Variants in FER observed in about 807,000 individuals in gnomAD.
The protein encoded by FER is tyrosine-protein kinase Fer.
In FER, 63 loss-of-function variants were observed where a neutral mutation model predicts 111.0. The ratio of observed to expected loss-of-function variants is 0.57; its 90% CI spans 0.46 to 0.70. FER has a LOEUF of 0.70. Among genes scored for constraint, FER ranks in the 30% least tolerant of loss-of-function variants. The probability of loss-of-function intolerance (pLI) is 0.00; values close to 1 mark genes in which losing one functional copy is unlikely to be tolerated. For synonymous variants in FER, 327 were observed against 313.9 expected, an observed-to-expected ratio of 1.04 and a Z score of -0.44; for missense variants, 914 against 954.0, an observed-to-expected ratio of 0.96 and a Z score of 0.55.
At chr5:108,784,871 T>C (rs1411714626) in intron 2 of FER, 1 of 156,386 alleles carries the variant, frequency 6.4e-6, no homozygotes. Flanking sequence ...CAGGTGTTTC[T>C]TGCCCTCATT....
At chr5:109,095,862 C>T (rs1162000243) in intron 16 of FER, among the ~76,000 whole-genome samples, 5 of 151,966 alleles carry the variant, frequency 3.3e-5, no homozygotes, top group South Asian at 2.1e-4. Flanking sequence ...TGTAGCTAAA[C>T]CAAACTTCTC....
intron 13 of FER, among the ~76,000 whole-genome samples, chr5:108,993,656 G>T (rs115176121): frequency 2.5e-5 from 3 of 119,886 alleles, no homozygotes; most frequent in Admixed American, 1.7e-4. Context: ...CGAGGGCGAG[G>T]GCGAGGGTGA....
At chr5:108,916,554 A>T (rs1469467289) in intron 10 of FER, among the ~76,000 whole-genome samples, 1 of 152,144 alleles carries the variant, frequency 6.6e-6, no homozygotes, top group African/African-American at 2.4e-5. Flanking sequence ...TACTTCAATT[A>T]TCTATTAATT....
intron 13 of FER, among the ~76,000 whole-genome samples, chr5:108,998,009 C>T (rs772459105): frequency 1.3e-5 from 2 of 151,784 alleles, no homozygotes; most frequent in Non-Finnish European, 2.9e-5. Context: ...CATCCCAGGT[C>T]GACCTCAACT....
intron 17 of FER, among the ~76,000 whole-genome samples, chr5:109,162,517 A>T (rs1001468497): frequency 2.6e-5 from 4 of 152,188 alleles, no homozygotes; most frequent in Non-Finnish European, 5.9e-5. Flanking sequence ...TTCTCTCACA[A>T]ATACGGTCCA....
intron 8 of FER, among the ~76,000 whole-genome samples, chr5:108,881,826 A>G (rs1332051763): frequency 6.6e-6 from 1 of 152,010 alleles, no homozygotes; most frequent in Non-Finnish European, 1.5e-5. Flanking sequence ...GACTTCATCT[A>G]ATTCTAATTA....
intron 2 of FER, chr5:108,784,160 A>G (rs1754405612): frequency 6.5e-6 from 1 of 154,494 alleles, no homozygotes; most frequent in African/African-American, 2.4e-5. Context: ...AAACCAGACC[A>G]CTGCTACTCC....
At chr5:109,077,274 A>C (rs1168355176) in intron 16 of FER, among the ~76,000 whole-genome samples, 1 of 152,220 alleles carries the variant, frequency 6.6e-6, no homozygotes, top group Non-Finnish European at 1.5e-5. Context: ...GTACATGAGC[A>C]ACCGTAATGA....
At chr5:108,860,419 T>G (rs1763406009) in intron 5 of FER, among the ~76,000 whole-genome samples, 1 of 152,362 alleles carries the variant, frequency 6.6e-6, no homozygotes, top group East Asian at 1.9e-4. Context: ...TTAATTCCTA[T>G]GTTTAAAAAT....
chr5:109,135,797 T>G (rs970623168), intron 17 of FER, among the ~76,000 whole-genome samples: 1 of 152,206 alleles, frequency 6.6e-6, no homozygotes, highest in East Asian at 1.9e-4. Flanking sequence ...TGGCTGACAC[T>G]TCTCTGTTTC....
chr5:108,894,952 G>A (rs765749471), intron 9 of FER, among the ~76,000 whole-genome samples: 29 of 152,264 alleles, frequency 1.9e-4, no homozygotes, highest in Non-Finnish European at 3.4e-4. Flanking sequence ...AGATTTGGGT[G>A]AGGACACAGC....
At chr5:108,940,904 A>C (rs1756167657) in intron 10 of FER, among the ~76,000 whole-genome samples, 1 of 152,116 alleles carries the variant, frequency 6.6e-6, no homozygotes, top group Non-Finnish European at 1.5e-5. Flanking sequence ...GCCCCTTCCC[A>C]AACTGATTCT....
chr5:109,100,271 G>A (rs932775778), intron 16 of FER, 125 bp from the exon 17 acceptor site: 2 of 1,135,388 alleles, frequency 1.8e-6, no homozygotes, highest in Non-Finnish European at 2.5e-6. Context: ...AACAAATTGG[G>A]CAAAAAGCAT....
In FER at chr5:108,798,121, C is replaced by A; in HGVS notation, c.-59-3C>A. ...AGTTTTTCTCTTTTGTTTACATACACAGATATGTGCTGATTAGAAGGCTCA... is the reference window on the plus strand; with the variant it reads ...AGTTTTTCTCTTTTGTTTACATACAAAGATATGTGCTGATTAGAAGGCTCA... On this transcript the variant is annotated splice_region_variant and splice_polypyrimidine_tract_variant and intron_variant, in intron 2 of 19. Transcript: ENST00000281092. 3.4e-6 allele frequency: 4 copies of A among 1,161,164 alleles called. No homozygotes were observed. Among genetic ancestry groups the A allele is most frequent in the Non-Finnish European group, 4.9e-6 (4 of 811,578 alleles). 71.9% of individuals were successfully genotyped at this position (1,161,164 alleles called of 1,614,324 possible).
At chr5:108,798,083 C>A in intron 2 of FER, 41 bp from the exon 3 acceptor site, 1 of 749,096 alleles carries the variant, frequency 1.3e-6, no homozygotes, top group Non-Finnish European at 2.0e-6. Flanking sequence ...GACTAATTTC[C>A]TTTTTATTTA....
At chr5:109,110,945 AC>A (rs1749540064) in intron 17 of FER, among the ~76,000 whole-genome samples, 1 of 152,178 alleles carries the variant, frequency 6.6e-6, no homozygotes, top group Non-Finnish European at 1.5e-5. Context: ...TGGACAGAGT[AC>A]CATTCCTCCT....
intron 13 of FER, among the ~76,000 whole-genome samples, chr5:109,003,209 A>G (rs1372153762): frequency 1.3e-5 from 2 of 152,260 alleles, no homozygotes. Flanking sequence ...AAAGACTTGG[A>G]ACCAACCCAA....
chr5:109,166,606 CA>C (rs1373938940), intron 17 of FER, among the ~76,000 whole-genome samples: 3 of 152,292 alleles, frequency 2.0e-5, no homozygotes, highest in African/African-American at 7.2e-5. Context: ...AGTGTCTTAA[CA>C]CACAACTGTT....
chr5:109,050,311 A>T (rs374331351), intron 16 of FER, among the ~76,000 whole-genome samples: 2 of 152,216 alleles, frequency 1.3e-5, no homozygotes, highest in African/African-American at 4.8e-5. Context: ...TTGCCACAGC[A>T]GGAATTATAT....
Sources: allele counts gnomAD v4.1 joint callset (sites outside exome capture counted in the v4.1 genomes callset), GRCh38; gene constraint gnomAD v4.1.1; transcripts MANE v1.5; gene names NCBI Gene and HGNC (gene_info 2026-07-23, HGNC 2026-07-21).